TEC: variants seen among roughly 807,000 people sequenced by gnomAD.
TEC encodes the protein tec protein tyrosine kinase, also known as tyrosine-protein kinase Tec.
Under a neutral mutation model 93.0 loss-of-function variants are expected in TEC, and 72 were observed. The observed-to-expected ratio is 0.77, with a 90% confidence interval of 0.64 to 0.94. TEC has a LOEUF of 0.94. TEC is among the 40% of genes least tolerant of loss of function. TEC has a pLI of 0.00. For missense variants in TEC, 630 were observed against 757.9 expected (o/e 0.83, Z 1.98); for synonymous variants, 249 against 247.7 (o/e 1.01, Z -0.05).
chr4:48,230,889 T>A (rs185153706), intron 1 of TEC, among the ~76,000 whole-genome samples: 6 of 152,320 alleles, frequency 3.9e-5, no homozygotes, highest in Admixed American at 2.6e-4. Flanking sequence ...TCCTAATGGC[T>A]CCTATTAATT....
At chr4:48,239,825 T>A (rs1723879302) in intron 1 of TEC, among the ~76,000 whole-genome samples, 1 of 152,154 alleles carries the variant, frequency 6.6e-6, no homozygotes, top group African/African-American at 2.4e-5. Flanking sequence ...TATTTAGTCT[T>A]AAGAGACCTC....
intron 11 of TEC, among the ~76,000 whole-genome samples, chr4:48,147,527 AT>A (rs1719966500): frequency 6.6e-6 from 1 of 152,092 alleles, no homozygotes; most frequent in African/African-American, 2.4e-5. Context: ...ATTGTCAGCA[AT>A]TTTTTTCCTT....
intron 9 of TEC, among the ~76,000 whole-genome samples, chr4:48,151,485 C>T (rs1004616927): frequency 4.6e-5 from 7 of 152,102 alleles, no homozygotes; most frequent in Admixed American, 4.6e-4. Context: ...AAATATCAGT[C>T]ATATCGGTCT....
chr4:48,182,486 T>G (rs1721631272), intron 2 of TEC, among the ~76,000 whole-genome samples: 1 of 151,622 alleles, frequency 6.6e-6, no homozygotes, highest in Non-Finnish European at 1.5e-5. Flanking sequence ...TAGTGGATAC[T>G]AATTCAACAG....
intron 1 of TEC, among the ~76,000 whole-genome samples, chr4:48,250,842 C>A (rs1342713048): frequency 6.6e-6 from 1 of 152,200 alleles, no homozygotes; most frequent in Admixed American, 6.5e-5. Flanking sequence ...CCAAGATCAG[C>A]AGAATTACCC....
chr4:48,144,566 T>C (rs898831261), intron 14 of TEC, among the ~76,000 whole-genome samples: 1 of 152,218 alleles, frequency 6.6e-6, no homozygotes, highest in African/African-American at 2.4e-5. Context: ...GGATTTCTTT[T>C]TCTAGCATTT....
rs192303368 is a variant in TEC, at chr4:48,240,286, A to G, written c.-45-11627T>C. ...TAACATAGTTTTCCATGTCCCAGTC[A>G]TCAAACACTTCAGAGTTGATAAGAA... On this transcript the variant is annotated intron_variant, in intron 1 of 17. Coordinates refer to ENST00000381501, the MANE Select transcript of TEC (RefSeq NM_003215.3). Among the ~76,000 whole-genome samples, 12 of 152,298 alleles carry G rather than the reference A, an allele frequency of 7.9e-5. No homozygotes were observed. In the East Asian group the frequency reaches 2.3e-3, roughly 29 times the overall value.
intron 2 of TEC, among the ~76,000 whole-genome samples, chr4:48,222,612 G>A (rs1465222115): frequency 6.6e-6 from 1 of 152,058 alleles, no homozygotes; most frequent in African/African-American, 2.4e-5. Flanking sequence ...TCCCCAATGT[G>A]AGCAGGCATC....
chr4:48,218,157 T>C (rs1210457875), intron 2 of TEC, among the ~76,000 whole-genome samples: 1 of 151,648 alleles, frequency 6.6e-6, no homozygotes, highest in Non-Finnish European at 1.5e-5. Context: ...AGAAAGGAAA[T>C]TGAGACACAA....
At chr4:48,185,016 G>C (rs984461256) in intron 2 of TEC, among the ~76,000 whole-genome samples, 2 of 151,572 alleles carry the variant, frequency 1.3e-5, no homozygotes, top group Non-Finnish European at 2.9e-5. Context: ...CATCTGCAAA[G>C]CACAGATATC....
chr4:48,157,872 T>C (rs1239786157), intron 8 of TEC, among the ~76,000 whole-genome samples: 2 of 152,162 alleles, frequency 1.3e-5, no homozygotes, highest in African/African-American at 2.4e-5. Context: ...ATTAACCACC[T>C]CATCCTCAGA....
intron 1 of TEC, among the ~76,000 whole-genome samples, chr4:48,252,377 T>C (rs904399195): frequency 2.0e-5 from 3 of 152,238 alleles, no homozygotes; most frequent in African/African-American, 7.2e-5. Flanking sequence ...CTGAGTCTGT[T>C]GAGTCTGCTT....
rs901379289 is a variant in TEC, at chr4:48,138,573, C to A, written c.1812+92G>T. The A allele has an allele frequency of 3.5e-6, 5 of 1,415,182 alleles. No homozygotes were observed. The African/African-American group carries it at 7.2e-5, about 20-fold the overall frequency. The allele number at this position is 1,415,182 out of a possible 1,614,324, so 87.7% of individuals were successfully genotyped here. A position where few individuals can be genotyped will look rare whatever the true frequency, so the allele number is the denominator to read the frequency against. ...AGCTTGAAATCACTATAAAGATGCA[C>A]CACCTCACTAGGCTATAAAGACTGC... On this transcript the variant is annotated intron_variant, in intron 17 of 17. Coordinates refer to ENST00000381501, the MANE Select transcript of TEC (RefSeq NM_003215.3).
chr4:48,172,301 T>C (rs567690047), intron 3 of TEC, among the ~76,000 whole-genome samples: 9 of 152,200 alleles, frequency 5.9e-5, no homozygotes, highest in Admixed American at 2.0e-4. Context: ...AGTTAATACA[T>C]GGCTAGAAAC....
At chr4:48,224,381 A>G (rs1028025385) in intron 2 of TEC, among the ~76,000 whole-genome samples, 3 of 152,096 alleles carry the variant, frequency 2.0e-5, no homozygotes, top group South Asian at 2.1e-4. Flanking sequence ...TCTCACTATT[A>G]TTTGTAGATC....
intron 1 of TEC, among the ~76,000 whole-genome samples, chr4:48,266,958 C>T (rs189744191): frequency 9.2e-5 from 14 of 152,212 alleles, no homozygotes; most frequent in African/African-American, 2.4e-4. Context: ...GCTGTACTTG[C>T]GTTGGGGGTT....
intron 9 of TEC, among the ~76,000 whole-genome samples, chr4:48,154,182 G>A (rs1270508032): frequency 6.6e-6 from 1 of 152,226 alleles, no homozygotes; most frequent in Non-Finnish European, 1.5e-5. Flanking sequence ...TGTGTTATGT[G>A]TGTGTGACAT....
intron 2 of TEC, among the ~76,000 whole-genome samples, chr4:48,218,309 G>C (rs1272778813): frequency 6.6e-6 from 1 of 152,164 alleles, no homozygotes; most frequent in Non-Finnish European, 1.5e-5. Context: ...GGAGTATTTA[G>C]AGTCATGTCA....
At chr4:48,232,368 C>T (rs1338855664) in intron 1 of TEC, among the ~76,000 whole-genome samples, 3 of 152,076 alleles carry the variant, frequency 2.0e-5, no homozygotes, top group Non-Finnish European at 4.4e-5. Flanking sequence ...CAGAATCACA[C>T]CATTTAAGTT....
Sources: allele counts gnomAD v4.1 joint callset (sites outside exome capture counted in the v4.1 genomes callset), GRCh38; gene constraint gnomAD v4.1.1; transcripts MANE v1.5; gene names NCBI Gene and HGNC (gene_info 2026-07-23, HGNC 2026-07-21).